Variants in EXT2 observed in about 807,000 individuals in gnomAD.
EXT2 encodes the protein exostosin glycosyltransferase 2.
EXT2 carries 53 observed loss-of-function variants against 81.6 expected under a neutral mutation model. The observed-to-expected ratio is 0.65, with a 90% CI of 0.52 to 0.82. The LOEUF is 0.82. Ranked by LOEUF, EXT2 falls within the 40% of genes least tolerant of loss-of-function variation. The pLI, the probability that EXT2 is intolerant of heterozygous loss-of-function variation, is 0.00. For synonymous variants in EXT2, 320 were observed against 340.0 expected (o/e 0.94, Z 0.65); for missense variants, 774 against 910.2 (o/e 0.85, Z 1.93).
intron 1 of EXT2, among the ~76,000 whole-genome samples, chr11:44,097,762 AAATAAAT>A (rs774022339): frequency 0.45 from 10,532 of 23,416 alleles, 1,395 homozygotes; most frequent in African/African-American, 0.56. Context: ...CCATCTCAAA[AAATAAAT>A]AAATAAATAA....
chr11:44,163,519 T>C (rs1954954150), intron 7 of EXT2, among the ~76,000 whole-genome samples: 1 of 152,234 alleles, frequency 6.6e-6, no homozygotes, highest in Non-Finnish European at 1.5e-5. Flanking sequence ...GCTACTATTT[T>C]GTTAAAGCCA....
At chr11:44,128,003 T>A (rs1170144363) in intron 6 of EXT2, among the ~76,000 whole-genome samples, 3 of 152,224 alleles carry the variant, frequency 2.0e-5, no homozygotes, top group African/African-American at 7.2e-5. Context: ...GAAAATTAAT[T>A]CCATTCATAT....
At position 44,250,242 on chromosome 11, in the gene EXT2, T is replaced by A. The variant is rs1956128116; in HGVS notation, c.*5955T>A. Among the ~76,000 whole-genome samples, 1 of 152,212 alleles carries A rather than the reference T, an allele frequency of 6.6e-6. No individual in the cohort carries two copies. The highest frequency in any genetic ancestry group is 1.5e-5 in the Non-Finnish European group (1 of 68,036). On this transcript the variant is annotated 3_prime_UTR_variant, in exon 14 of 14. Transcript: ENST00000533608. ...AGTGGCCCAGGACTCTAAGCATGTA[T>A]GTTTTAGTCCCAGCTGTAAATGAGG...
intron 8 of EXT2, among the ~76,000 whole-genome samples, chr11:44,189,576 G>A (rs534393137): frequency 1.3e-5 from 2 of 152,284 alleles, no homozygotes; most frequent in Non-Finnish European, 2.9e-5. Flanking sequence ...AGAGAAGGGG[G>A]AGGTACTACA....
At chr11:44,171,493 A>G (rs533732120) in intron 7 of EXT2, 118 bp from the exon 8 acceptor site, 2 of 1,490,084 alleles carry the variant, frequency 1.3e-6, no homozygotes, top group East Asian at 2.3e-5. Context: ...AGGCACCCCC[A>G]TCCCTACAAC....
chr11:44,128,349 A>G (rs1430197301), intron 6 of EXT2, among the ~76,000 whole-genome samples: 3 of 152,334 alleles, frequency 2.0e-5, no homozygotes. Context: ...AGAGGAGAGC[A>G]TGTAGTTATT....
chr11:44,214,409 C>T (rs1314274113), intron 10 of EXT2, among the ~76,000 whole-genome samples: 1 of 152,122 alleles, frequency 6.6e-6, no homozygotes, highest in African/African-American at 2.4e-5. Flanking sequence ...CCACCATGCC[C>T]GGCCGTAACT....
At chr11:44,120,042 A>C (rs535237183) in intron 4 of EXT2, among the ~76,000 whole-genome samples, 2 of 152,358 alleles carry the variant, frequency 1.3e-5, no homozygotes, top group African/African-American at 4.8e-5. Context: ...CCAGGGAAGA[A>C]AACTGAAAAT....
At chr11:44,189,210 G>A (rs1463829994) in intron 8 of EXT2, among the ~76,000 whole-genome samples, 1 of 152,166 alleles carries the variant, frequency 6.6e-6, no homozygotes, top group East Asian at 1.9e-4. Flanking sequence ...CTGTAAATAG[G>A]TTTCAGGAGC....
intron 1 of EXT2, among the ~76,000 whole-genome samples, chr11:44,098,213 G>A (rs1181956262): frequency 6.6e-6 from 1 of 152,130 alleles, no homozygotes; most frequent in Non-Finnish European, 1.5e-5. Context: ...ATTATGACTT[G>A]TTTCCTCGGA....
intron 7 of EXT2, among the ~76,000 whole-genome samples, chr11:44,139,530 T>C (rs1252125731): frequency 1.3e-5 from 2 of 152,150 alleles, no homozygotes; most frequent in Non-Finnish European, 2.9e-5. Flanking sequence ...AGTTCTGATA[T>C]CTGATTTTCA....
chr11:44,215,050 T>G (rs1171976802), intron 10 of EXT2, among the ~76,000 whole-genome samples: 2 of 152,204 alleles, frequency 1.3e-5, no homozygotes, highest in East Asian at 3.8e-4. Context: ...CATGAGCCAC[T>G]GCACCTGGCC....
At chr11:44,136,482 C>T (rs937542308) in intron 7 of EXT2, among the ~76,000 whole-genome samples, 2 of 152,178 alleles carry the variant, frequency 1.3e-5, no homozygotes, top group African/African-American at 4.8e-5. Context: ...GGATGAGCTT[C>T]CTAACAATTC....
At position 44,176,257 on chromosome 11, in the gene EXT2, G is replaced by A. The variant is rs530648529; in HGVS notation, c.1305+4515G>A. Among the ~76,000 whole-genome samples, 7 of 152,252 alleles carry A rather than the reference G, an allele frequency of 4.6e-5. No individual in the cohort carries two copies. The Middle Eastern group carries it at 0.01, about 222-fold the overall frequency. Reference sequence around the variant, plus strand: ...ACTTTTATCTAAAGCTCTAAGAGATGTTTAATAAGAATAAAGGGTTGGAAT... The same window carrying A: ...ACTTTTATCTAAAGCTCTAAGAGATATTTAATAAGAATAAAGGGTTGGAAT... On this transcript the variant is annotated intron_variant, in intron 8 of 13. Coordinates refer to ENST00000533608, the MANE Select transcript of EXT2 (RefSeq NM_207122.2).
At chr11:44,171,882 G>GTT in intron 8 of EXT2, 140 bp downstream of exon 8, 2 of 1,271,754 alleles carry the variant, frequency 1.6e-6, no homozygotes, top group Non-Finnish European at 2.2e-6. Context: ...CTTGGGGCCT[G>GTT]ATAAGGGCAG....
chr11:44,225,994 T>A (rs1040196442), intron 10 of EXT2, among the ~76,000 whole-genome samples: 1 of 152,222 alleles, frequency 6.6e-6, no homozygotes, highest in East Asian at 1.9e-4. Context: ...ATGAGGCACA[T>A]GTTTAAAGAC....
intron 3 of EXT2, among the ~76,000 whole-genome samples, chr11:44,111,307 A>G (rs983534157): frequency 6.6e-6 from 1 of 152,222 alleles, no homozygotes; most frequent in Non-Finnish European, 1.5e-5. Context: ...GTCGAACAGC[A>G]TGCAAGTGTA....
intron 6 of EXT2, 129 bp downstream of exon 6, chr11:44,127,084 T>C: frequency 8.1e-7 from 1 of 1,239,096 alleles, no homozygotes; most frequent in Non-Finnish European, 1.2e-6. Context: ...CTATTTTCCA[T>C]TAGGAGAGTT....
intron 13 of EXT2, among the ~76,000 whole-genome samples, chr11:44,243,355 G>C (rs958785756): frequency 2.4e-4 from 36 of 152,190 alleles, no homozygotes; most frequent in African/African-American, 4.1e-4. Flanking sequence ...GCTGACTTTG[G>C]GGGTGAGGTG....
Sources: allele counts gnomAD v4.1 joint callset (sites outside exome capture counted in the v4.1 genomes callset), GRCh38; gene constraint gnomAD v4.1.1; transcripts MANE v1.5; gene names NCBI Gene and HGNC (gene_info 2026-07-23, HGNC 2026-07-21).